Variants in DOCK1 observed in about 807,000 individuals in gnomAD.
The protein encoded by DOCK1 is dedicator of cytokinesis protein 1.
DOCK1 carries 138 observed loss-of-function variants against 262.7 expected under a neutral mutation model. That is an observed-to-expected ratio of 0.53 (90% CI 0.46 to 0.61). The LOEUF is 0.61. Ranked by LOEUF, DOCK1 falls within the 20% of genes least tolerant of loss-of-function variation. The pLI is 0.00. For synonymous variants in DOCK1, 866 were observed against 867.4 expected (o/e 1.00, Z 0.03); for missense variants, 1,908 against 2,370.7 (o/e 0.80, Z 4.05).
chr10:126,953,432 G>A (rs1267225605), intron 1 of DOCK1, among the ~76,000 whole-genome samples: 1 of 151,704 alleles, frequency 6.6e-6, no homozygotes. Context: ...TATTGTTATC[G>A]GTGGTGATGG....
Position 127,373,773 on chromosome 10 carries a change from A to T in DOCK1, c.3433-8A>T. On this transcript the variant is annotated splice_polypyrimidine_tract_variant and splice_region_variant and intron_variant, in intron 33 of 51. Coordinates refer to ENST00000623213, the MANE Select transcript of DOCK1 (RefSeq NM_001290223.2). ...CTGATTATTTACGCTTCCTCTGTTT[A>T]ATTATAGTTTGAAAATGAGATCATC... The T allele has an allele frequency of 6.2e-7, 1 of 1,603,592 alleles. No homozygotes were observed. The highest frequency in any genetic ancestry group is 8.5e-7 in the Non-Finnish European group (1 of 1,174,450).
intron 10 of DOCK1, among the ~76,000 whole-genome samples, chr10:127,007,191 C>G (rs934967376): frequency 6.6e-6 from 1 of 152,052 alleles, no homozygotes; most frequent in African/African-American, 2.4e-5. Flanking sequence ...CTCTTTGAGG[C>G]CCCTTGGTTG....
intron 29 of DOCK1, among the ~76,000 whole-genome samples, chr10:127,266,512 T>C (rs1349682328): frequency 8.9e-6 from 1 of 112,500 alleles, no homozygotes; most frequent in African/African-American, 3.3e-5. Flanking sequence ...CACACATATA[T>C]ATAGACTGTA....
At chr10:127,393,246 AC>A (rs1294340956) in intron 38 of DOCK1, among the ~76,000 whole-genome samples, 1 of 152,176 alleles carries the variant, frequency 6.6e-6, no homozygotes, top group African/African-American at 2.4e-5. Context: ...ACCAGTGATT[AC>A]CGGGGCTTGC....
chr10:127,425,647 G>A (rs141000654), intron 46 of DOCK1, among the ~76,000 whole-genome samples: 195 of 152,292 alleles, frequency 1.3e-3, no homozygotes, highest in Middle Eastern at 3.4e-3. Flanking sequence ...CTGAGTAGCC[G>A]TGGTGTAGGG....
chr10:127,096,440 A>G (rs1202449762), intron 23 of DOCK1, among the ~76,000 whole-genome samples: 1 of 152,132 alleles, frequency 6.6e-6, no homozygotes, highest in Non-Finnish European at 1.5e-5. Flanking sequence ...TGGACCATAT[A>G]TATTTTAGCT....
At chr10:126,940,544 C>T (rs1291055607) in intron 1 of DOCK1, among the ~76,000 whole-genome samples, 4 of 152,142 alleles carry the variant, frequency 2.6e-5, no homozygotes, top group African/African-American at 9.7e-5. Flanking sequence ...CCTGGGATTA[C>T]AGGCGCCTGC....
chr10:127,038,984 G>C (rs551729576), intron 19 of DOCK1, among the ~76,000 whole-genome samples: 1 of 152,312 alleles, frequency 6.6e-6, no homozygotes, highest in Non-Finnish European at 1.5e-5. Flanking sequence ...AGCAAGGTCT[G>C]TGTGTTGCCG....
intron 29 of DOCK1, among the ~76,000 whole-genome samples, chr10:127,278,013 C>T (rs536103680): frequency 1.6e-4 from 25 of 152,122 alleles, no homozygotes; most frequent in Non-Finnish European, 3.5e-4. Context: ...GTATGGAGCA[C>T]GCACACAGCT....
intron 27 of DOCK1, among the ~76,000 whole-genome samples, chr10:127,184,993 T>A (rs1417408911): frequency 6.6e-6 from 1 of 152,166 alleles, no homozygotes; most frequent in African/African-American, 2.4e-5. Flanking sequence ...GACACGTTGA[T>A]GCCTGACACC....
intron 27 of DOCK1, among the ~76,000 whole-genome samples, chr10:127,130,873 C>T (rs1279323157): frequency 1.3e-5 from 2 of 152,186 alleles, no homozygotes; most frequent in Non-Finnish European, 2.9e-5. Context: ...TGGCCGTGGT[C>T]CACTTCAGAA....
intron 29 of DOCK1, among the ~76,000 whole-genome samples, chr10:127,287,468 G>A (rs1211092793): frequency 6.6e-6 from 1 of 152,128 alleles, no homozygotes; most frequent in South Asian, 2.1e-4. Flanking sequence ...AGGATTACAG[G>A]AATGAGCCAC....
intron 35 of DOCK1, among the ~76,000 whole-genome samples, chr10:127,376,981 C>A (rs2065531808): frequency 6.6e-6 from 1 of 152,150 alleles, no homozygotes. Context: ...ACTCAGTGCC[C>A]ACGTACTTTT....
chr10:126,938,341 C>T (rs1245706873), intron 1 of DOCK1, among the ~76,000 whole-genome samples: 1 of 152,214 alleles, frequency 6.6e-6, no homozygotes, highest in Admixed American at 6.5e-5. Flanking sequence ...AGCCACTGCG[C>T]CCGGCCTGGC....
chr10:127,115,446 G>C (rs1257268375), intron 25 of DOCK1, among the ~76,000 whole-genome samples: 1 of 152,170 alleles, frequency 6.6e-6, no homozygotes, highest in African/African-American at 2.4e-5. Context: ...CTGTGGTGTG[G>C]AGTGAGCAGA....
At chr10:127,047,048 C>A (rs1350580257) in intron 21 of DOCK1, among the ~76,000 whole-genome samples, 1 of 152,178 alleles carries the variant, frequency 6.6e-6, no homozygotes, top group Non-Finnish European at 1.5e-5. Flanking sequence ...GGCGGATATT[C>A]TTCCTGGTGT....
intron 15 of DOCK1, chr10:127,026,059 C>CAAAAAA (rs71490104): frequency 0.15 from 33,342 of 228,306 alleles, 2,168 homozygotes; most frequent in Non-Finnish European, 0.16. Flanking sequence ...AACTCTGTAT[C>CAAAAAA]AAAAAAAAAA....
intron 1 of DOCK1, among the ~76,000 whole-genome samples, chr10:126,944,319 G>T (rs2035233711): frequency 6.6e-6 from 1 of 152,118 alleles, no homozygotes; most frequent in Non-Finnish European, 1.5e-5. Flanking sequence ...ACAGGGTGCA[G>T]GGCTGTGCCC....
intron 29 of DOCK1, among the ~76,000 whole-genome samples, chr10:127,259,218 C>T (rs1191433205): frequency 6.6e-6 from 1 of 152,204 alleles, no homozygotes; most frequent in African/African-American, 2.4e-5. Context: ...TGCTCCTCCT[C>T]ACTCTTCCAC....
Sources: gnomAD v4.1 joint callset for allele counts (sites outside exome capture counted in the v4.1 genomes callset) on GRCh38, gnomAD v4.1.1 for gene constraint, MANE v1.5 for transcripts, NCBI Gene and HGNC (gene_info 2026-07-23, HGNC 2026-07-21) for gene names.